FAM3C: variants seen among roughly 807,000 people sequenced by gnomAD.
FAM3C encodes FAM3 metabolism regulating signaling molecule C.
FAM3C carries 15 observed loss-of-function variants against 32.5 expected under a neutral mutation model. The observed-to-expected ratio is 0.46, with a 90% CI of 0.31 to 0.71. The LOEUF is 0.71. FAM3C is among the 30% of genes least tolerant of loss of function. FAM3C has a pLI of 0.05. For missense variants in FAM3C, 175 were observed against 274.4 expected (o/e 0.64, Z 2.56); for synonymous variants, 75 against 86.1 (o/e 0.87, Z 0.72).
intron 7 of FAM3C, among the ~76,000 whole-genome samples, 159 bp from the exon 8 acceptor site, chr7:121,360,286 A>G (rs572935563): frequency 6.6e-6 from 1 of 152,346 alleles, no homozygotes. Context: ...GAGTTTAAAA[A>G]CTGTTAAATT....
chr7:121,376,605 G>A (rs1471893484), intron 3 of FAM3C, among the ~76,000 whole-genome samples: 1 of 152,150 alleles, frequency 6.6e-6, no homozygotes, highest in Non-Finnish European at 1.5e-5. Context: ...GCTCCAAAGA[G>A]CATTTTCTTT....
At chr7:121,351,034 C>T (rs1222148769) in intron 9 of FAM3C, 109 bp downstream of exon 9, 5 of 958,856 alleles carry the variant, frequency 5.2e-6, no homozygotes, top group Non-Finnish European at 7.8e-6. Context: ...AATATATGAT[C>T]ATATTTACTA....
rs1269988449 is a variant in FAM3C, at chr7:121,349,403, T to C, written c.*1058A>G. On this transcript the variant is annotated 3_prime_UTR_variant, in exon 10 of 10. Coordinates refer to ENST00000359943, the MANE Select transcript of FAM3C (RefSeq NM_014888.3). ...AAAAGATAGATCTTCTATATTTTTA[T>C]GTAGAATTGGGTATAAAGTCATTTG... The C allele has an allele frequency of 6.6e-6, 1 of 152,212 alleles. No individual in the cohort carries two copies. Among genetic ancestry groups the C allele is most frequent in the African/African-American group, 2.4e-5 (1 of 41,452 alleles). 9.4% of individuals were successfully genotyped at this position (152,212 alleles called of 1,614,324 possible). A position where few individuals can be genotyped will look rare whatever the true frequency, so the allele number is the denominator to read the frequency against.
chr7:121,383,415 C>T (rs12706337), intron 1 of FAM3C, among the ~76,000 whole-genome samples: 25,077 of 152,024 alleles, frequency 0.16, 2,177 homozygotes, highest in South Asian at 0.21. Flanking sequence ...AGACATGGGG[C>T]TGGAATTGAG....
At chr7:121,360,603 C>T (rs1373610178) in intron 7 of FAM3C, among the ~76,000 whole-genome samples, 2 of 152,100 alleles carry the variant, frequency 1.3e-5, no homozygotes, top group Non-Finnish European at 2.9e-5. Flanking sequence ...GAGGTCAGGG[C>T]TGGGGGATGG....
At chr7:121,373,541 C>T (rs1794186627) in intron 3 of FAM3C, among the ~76,000 whole-genome samples, 1 of 152,198 alleles carries the variant, frequency 6.6e-6, no homozygotes, top group Non-Finnish European at 1.5e-5. Flanking sequence ...ATATACACTT[C>T]ATTTCATGGA....
intron 5 of FAM3C, among the ~76,000 whole-genome samples, chr7:121,369,730 A>C (rs979465212): frequency 6.6e-6 from 1 of 152,182 alleles, no homozygotes; most frequent in African/African-American, 2.4e-5. Context: ...AGTGATGTGT[A>C]CTCTGAGAAC....
intron 2 of FAM3C, among the ~76,000 whole-genome samples, chr7:121,381,656 C>CCACATACACACA (rs1322508186): frequency 2.8e-5 from 4 of 142,240 alleles, no homozygotes; most frequent in African/African-American, 1.0e-4. Flanking sequence ...CAAAGAACAT[C>CCACATACACACA]CACACACACA....
chr7:121,392,219 G>A (rs1012871769), intron 1 of FAM3C, among the ~76,000 whole-genome samples: 4 of 152,106 alleles, frequency 2.6e-5, no homozygotes, highest in African/African-American at 4.8e-5. Flanking sequence ...GTATTAGTCC[G>A]TTTTTGCACT....
At chr7:121,372,492 A>G (rs980405776) in intron 3 of FAM3C, among the ~76,000 whole-genome samples, 6 of 152,192 alleles carry the variant, frequency 3.9e-5, no homozygotes, top group African/African-American at 1.4e-4. Context: ...GATGGTGTTT[A>G]AAAGTTGTTG....
chr7:121,360,753 T>C, intron 7 of FAM3C, among the ~76,000 whole-genome samples: 1 of 152,132 alleles, frequency 6.6e-6, no homozygotes, highest in East Asian at 1.9e-4. Context: ...AGAACTGCTT[T>C]GAGGCCAGGA....
At chr7:121,394,876 T>C (rs935984752) in intron 1 of FAM3C, among the ~76,000 whole-genome samples, 7 of 152,230 alleles carry the variant, frequency 4.6e-5, no homozygotes, top group Non-Finnish European at 5.9e-5. Flanking sequence ...CTAAATTCAA[T>C]AGAGATCTGC....
Position 121,350,476 on chromosome 7 carries a change from G to A in FAM3C, c.669C>T (p.Pro223=), listed in dbSNP as rs1477817774. The change falls in exon 10 of 10, where the codon CCC becomes CCT. Residue 223 remains proline, a synonymous_variant. Coordinates refer to ENST00000359943, the MANE Select transcript of FAM3C (RefSeq NM_014888.3). ...PEVVEMEGCI[P]QKQD is the part of the protein sequence containing the mutation. Reference sequence around the variant, plus strand: ...CACATTTCCATTAGTCTTGCTTCTGGGGGATGCATCCTTCCATTTCTACAA... The same window carrying A: ...CACATTTCCATTAGTCTTGCTTCTGAGGGATGCATCCTTCCATTTCTACAA... 6.2e-7 allele frequency: 1 copy of A among 1,611,592 alleles called. No homozygotes were observed. Among genetic ancestry groups the A allele is most frequent in the African/African-American group, 1.3e-5 (1 of 74,728 alleles).
intron 7 of FAM3C, among the ~76,000 whole-genome samples, chr7:121,361,617 T>C (rs1793925163): frequency 1.3e-5 from 2 of 152,250 alleles, no homozygotes; most frequent in Admixed American, 1.3e-4. Flanking sequence ...TTTAAGTTTA[T>C]ACAGCTTTGA....
intron 5 of FAM3C, among the ~76,000 whole-genome samples, chr7:121,368,445 T>C (rs767037620): frequency 6.6e-6 from 1 of 152,188 alleles, no homozygotes; most frequent in Non-Finnish European, 1.5e-5. Context: ...TATCTACTTA[T>C]AGATTTTAGT....
At chr7:121,379,751 G>A (rs116276364) in intron 2 of FAM3C, among the ~76,000 whole-genome samples, 290 of 152,296 alleles carry the variant, frequency 1.9e-3, no homozygotes, top group African/African-American at 6.6e-3. Context: ...ACACTCTACT[G>A]ATAACTACAT....
intron 1 of FAM3C, among the ~76,000 whole-genome samples, chr7:121,386,108 C>G (rs1280867844): frequency 6.6e-6 from 1 of 152,140 alleles, no homozygotes; most frequent in East Asian, 1.9e-4. Context: ...TCCAGCAATT[C>G]AACAGTATGG....
chr7:121,379,104 G>A, intron 2 of FAM3C, 90 bp from the exon 3 acceptor site: 1 of 712,736 alleles, frequency 1.4e-6, no homozygotes, highest in Non-Finnish European at 2.4e-6. Context: ...AATTTTTTAA[G>A]ATCAATACAT....
chr7:121,356,758 C>T (rs1793817948), intron 8 of FAM3C, among the ~76,000 whole-genome samples: 1 of 152,128 alleles, frequency 6.6e-6, no homozygotes, highest in African/African-American at 2.4e-5. Flanking sequence ...GTATTCTCTC[C>T]AAAAGGAAGA....
Sources: allele counts gnomAD v4.1 joint callset (sites outside exome capture counted in the v4.1 genomes callset), GRCh38; gene constraint gnomAD v4.1.1; transcripts MANE v1.5; gene names NCBI Gene and HGNC (gene_info 2026-07-23, HGNC 2026-07-21).